Variants in RALGAPB observed in about 807,000 individuals in gnomAD.
RALGAPB encodes ral GTPase-activating protein subunit beta.
In RALGAPB, 25 loss-of-function variants were observed where a neutral mutation model predicts 161.1. The observed-to-expected ratio is 0.16, with a 90% CI of 0.11 to 0.22. RALGAPB has a LOEUF of 0.22. RALGAPB is among the 10% of genes least tolerant of loss of function. The probability of loss-of-function intolerance (pLI) is 1.00; values close to 1 mark genes in which losing one functional copy is unlikely to be tolerated. For missense variants in RALGAPB, 1,391 were observed against 1,815.2 expected, an observed-to-expected ratio of 0.77 and a Z score of 4.25; for synonymous variants, 629 against 626.1, an observed-to-expected ratio of 1.00 and a Z score of -0.07.
At chr20:38,511,229 A>T (rs1600898748) in intron 6 of RALGAPB, among the ~76,000 whole-genome samples, 2 of 152,348 alleles carry the variant, frequency 1.3e-5, no homozygotes, top group Non-Finnish European at 2.9e-5. Context: ...GAAAGTGGTG[A>T]ACAGCTAGCC....
chr20:38,546,674 T>C, intron 19 of RALGAPB: 3 of 484,304 alleles, frequency 6.2e-6, no homozygotes, highest in Non-Finnish European at 1.1e-5. Flanking sequence ...TAAAAGGTGG[T>C]GTTTTAGTGG....
chr20:38,571,808 A>C (rs2088249856), intron 28 of RALGAPB, among the ~76,000 whole-genome samples: 1 of 152,190 alleles, frequency 6.6e-6, no homozygotes, highest in African/African-American at 2.4e-5. Flanking sequence ...GTACCAGTTT[A>C]CATTTCCACC....
Position 38,472,928 on chromosome 20 carries a change from G to A in RALGAPB, c.-172G>A. On this transcript the variant is annotated 5_prime_UTR_variant, in exon 1 of 30. In the 5' UTR this introduces an upstream ATG that the reference lacks. Transcript: ENST00000262879. ...GGCGCCCTGGGAGAGTCGCTGACGG[G>A]TGGACTGACGGACCGCCTGAGGACG... 2.5e-6 allele frequency: 1 copy of A among 398,950 alleles called. No individual in the cohort carries two copies. The highest frequency in any genetic ancestry group is 3.6e-5 in the East Asian group (1 of 28,048). 24.7% of individuals were successfully genotyped at this position (398,950 alleles called of 1,614,324 possible).
At chr20:38,534,900 G>A (rs147371952) in intron 15 of RALGAPB, among the ~76,000 whole-genome samples, 174 bp from the exon 16 acceptor site, 15 of 152,336 alleles carry the variant, frequency 9.8e-5, no homozygotes, top group East Asian at 7.7e-4. Context: ...CCTGTGCACC[G>A]TGTAGTCAGG....
At chr20:38,518,528 T>C (rs2086200101) in intron 9 of RALGAPB, among the ~76,000 whole-genome samples, 1 of 152,234 alleles carries the variant, frequency 6.6e-6, no homozygotes, top group African/African-American at 2.4e-5. Flanking sequence ...ATAAAATTGA[T>C]TGGTGGAGAA....
chr20:38,492,786 A>G (rs2122892282), intron 2 of RALGAPB, 144 bp from the exon 3 acceptor site: 1 of 632,180 alleles, frequency 1.6e-6, no homozygotes, highest in East Asian at 2.8e-5. Flanking sequence ...AAAATGCATT[A>G]TCTAAAATAA....
intron 24 of RALGAPB, among the ~76,000 whole-genome samples, chr20:38,564,751 C>T (rs1475123689): frequency 6.6e-6 from 1 of 152,168 alleles, no homozygotes; most frequent in Non-Finnish European, 1.5e-5. Flanking sequence ...CATAGGCCAA[C>T]TTGAGGAGCC....
At chr20:38,542,091 G>C (rs1175598905) in intron 18 of RALGAPB, among the ~76,000 whole-genome samples, 4 of 152,296 alleles carry the variant, frequency 2.6e-5, no homozygotes, top group Admixed American at 2.6e-4. Flanking sequence ...GGACTGAATG[G>C]AACAGTTAGT....
At position 38,512,355 on chromosome 20, in the gene RALGAPB, A is replaced by C. The variant is rs367684688; in HGVS notation, c.872+3147A>C. ...AATTAAAAGTACTTCGGATGCAGTAAGACTTGGACCTGACTTAAATTCTGC... is the reference window on the plus strand; with the variant it reads ...AATTAAAAGTACTTCGGATGCAGTACGACTTGGACCTGACTTAAATTCTGC... On this transcript the variant is annotated intron_variant, in intron 6 of 29. Transcript: ENST00000262879. Among the ~76,000 whole-genome samples, 3 of 152,360 alleles carry C rather than the reference A, an allele frequency of 2.0e-5. No individual in the cohort carries two copies. In the East Asian group the frequency reaches 5.8e-4, roughly 29 times the overall value.
intron 2 of RALGAPB, among the ~76,000 whole-genome samples, chr20:38,490,048 C>T (rs73621953): frequency 7.0e-6 from 1 of 142,504 alleles, no homozygotes; most frequent in Non-Finnish European, 1.5e-5. Context: ...CTCGCTCTGT[C>T]GCCCAGGCTG....
At chr20:38,490,835 G>A (rs916593446) in intron 2 of RALGAPB, among the ~76,000 whole-genome samples, 15 of 152,020 alleles carry the variant, frequency 9.9e-5, no homozygotes, top group African/African-American at 3.6e-4. Context: ...GGCAGAGATG[G>A]GGTTTTGCCA....
chr20:38,482,106 A>G (rs1001203149), intron 1 of RALGAPB, among the ~76,000 whole-genome samples: 40 of 152,278 alleles, frequency 2.6e-4, no homozygotes, highest in East Asian at 7.7e-4. Flanking sequence ...CAAATAATAC[A>G]TATTTTGTAT....
At chr20:38,483,929 G>C (rs2085045781) in intron 1 of RALGAPB, among the ~76,000 whole-genome samples, 1 of 152,160 alleles carries the variant, frequency 6.6e-6, no homozygotes, top group African/African-American at 2.4e-5. Context: ...AGTGGCTCAT[G>C]CCTGTAATCC....
Position 38,558,350 on chromosome 20 carries a change from C to G in RALGAPB, c.3428C>G (p.Pro1143Arg). The G allele has an allele frequency of 6.2e-7, 1 of 1,606,300 alleles. No individual in the cohort carries two copies. The highest frequency in any genetic ancestry group is 1.1e-5 in the South Asian group (1 of 89,828). The stretch of plus-strand genomic sequence containing the variant: ...CTTATTGCACTTGATTCCACGATAC[C>G]TGGATTTTTTGATGACATTGGGTAT... ...PHLIALDSTIPGFFDDIGYLD... is the reference protein window; with the variant it reads ...PHLIALDSTIRGFFDDIGYLD... The change falls in exon 23 of 30, where the codon CCT (proline) becomes CGT (arginine). Residue 1143 changes from proline (P) to arginine (R), a missense_variant. By Grantham distance (103) the Pro-to-Arg change is moderately radical. Coordinates refer to ENST00000262879, the MANE Select transcript of RALGAPB (RefSeq NM_020336.4).
chr20:38,572,546 G>A (rs1192140725), intron 28 of RALGAPB, among the ~76,000 whole-genome samples: 2 of 152,158 alleles, frequency 1.3e-5, no homozygotes, highest in Non-Finnish European at 2.9e-5. Context: ...GTTCCTTTTA[G>A]TTATGTGAGC....
rs574313188 is a variant in RALGAPB at position 38,507,076 on chromosome 20, C to T, written c.741-2001C>T. ...TTTTATCTTGATTATAATCACAGTA[C>T]ATGCTTATAATAGAAAATTTGGAAA... On this transcript the variant is annotated intron_variant, in intron 5 of 29. Coordinates refer to ENST00000262879, the MANE Select transcript of RALGAPB (RefSeq NM_020336.4). Among the ~76,000 whole-genome samples, 52 of 152,268 alleles carry T rather than the reference C, an allele frequency of 3.4e-4. 1 individual carries two copies. In the South Asian group the frequency reaches 0.011, roughly 31 times the overall value.
At chr20:38,540,060 C>A in intron 17 of RALGAPB, 102 bp downstream of exon 17, 2 of 978,242 alleles carry the variant, frequency 2.0e-6, no homozygotes, top group Admixed American at 2.8e-5. Context: ...GTATTGCACA[C>A]TTTAAACTGA....
chr20:38,546,507 G>C (rs980297538), intron 19 of RALGAPB, 77 bp downstream of exon 19: 37 of 1,576,036 alleles, frequency 2.3e-5, no homozygotes, highest in Middle Eastern at 1.8e-4. Flanking sequence ...TCCAGGATCA[G>C]GGAAGGACAG....
At chr20:38,496,331 G>A (rs978007684) in intron 3 of RALGAPB, among the ~76,000 whole-genome samples, 1 of 152,106 alleles carries the variant, frequency 6.6e-6, no homozygotes, top group Non-Finnish European at 1.5e-5. Context: ...AGTTCTAAGG[G>A]AACTCACTTC....
Sources: gnomAD v4.1 joint callset for allele counts (sites outside exome capture counted in the v4.1 genomes callset) on GRCh38, gnomAD v4.1.1 for gene constraint, MANE v1.5 for transcripts, NCBI Gene and HGNC (gene_info 2026-07-23, HGNC 2026-07-21) for gene names.